THSD4: variants seen among roughly 807,000 people sequenced by gnomAD.
THSD4 encodes thrombospondin type 1 domain containing 4.
A neutral mutation model predicts 119.0 loss-of-function variants in THSD4; 69 were observed. The observed-to-expected ratio is 0.58, with a 90% confidence interval of 0.48 to 0.71. The LOEUF (loss-of-function observed/expected upper bound fraction) is 0.71, where lower values mean the gene tolerates loss of function less well. Among genes scored for constraint, THSD4 ranks in the 30% least tolerant of loss-of-function variants. THSD4 has a pLI of 0.00. For synonymous variants in THSD4, 524 were observed against 540.4 expected (o/e 0.97, Z 0.42); for missense variants, 1,393 against 1,391.1 (o/e 1.00, Z -0.02).
Position 71,416,146 on chromosome 15 carries a change from C to T in THSD4, c.1152+4323C>T, listed in dbSNP as rs915435354. On this transcript the variant is annotated intron_variant, in intron 7 of 17. Coordinates refer to ENST00000261862, the MANE Select transcript of THSD4 (RefSeq NM_024817.3). ...TTTATTTCACTTAACATAATGACCT[C>T]CAGTTCCATCTATGCTGTTGCAAAT... Among the ~76,000 whole-genome samples the T allele has an allele frequency of 3.3e-5, 5 of 152,270 alleles. No homozygotes were observed. The South Asian group carries it at 1.0e-3, about 32-fold the overall frequency.
rs2044759673 is a variant in THSD4, at chr15:71,289,262, G to GT, written c.1015+32547_1015+32548insT. ...ATGCTCAGCCATGTGCAACCAGGAG[G>GT]GTAGGGAGGTGGCACTGCTGGGAGA... is the stretch of plus-strand genomic sequence containing the variant. On this transcript the variant is annotated intron_variant, in intron 6 of 17. Coordinates refer to ENST00000261862, the MANE Select transcript of THSD4 (RefSeq NM_024817.3). Among the ~76,000 whole-genome samples the GT allele has an allele frequency of 3.9e-5, 6 of 152,270 alleles. No individual in the cohort carries two copies. In the South Asian group the frequency reaches 1.2e-3, roughly 32 times the overall value.
At chr15:71,741,386 G>A (rs534889344) in intron 11 of THSD4, among the ~76,000 whole-genome samples, 3 of 152,120 alleles carry the variant, frequency 2.0e-5, no homozygotes, top group South Asian at 4.2e-4. Context: ...CCAGCTACTC[G>A]GGAGGCTGAG....
intron 7 of THSD4, among the ~76,000 whole-genome samples, chr15:71,415,303 T>C (rs1046584878): frequency 4.6e-5 from 7 of 152,224 alleles, no homozygotes; most frequent in Non-Finnish European, 1.0e-4. Context: ...GGCCCACCCA[T>C]TGCTGGCTTG....
At chr15:71,206,757 T>C (rs2043846906) in intron 3 of THSD4, among the ~76,000 whole-genome samples, 1 of 152,210 alleles carries the variant, frequency 6.6e-6, no homozygotes, top group Admixed American at 6.5e-5. Context: ...GTGACAAGAC[T>C]ATCACCAACT....
At chr15:71,261,539 A>G (rs1179050071) in intron 6 of THSD4, among the ~76,000 whole-genome samples, 1 of 152,196 alleles carries the variant, frequency 6.6e-6, no homozygotes, top group Non-Finnish European at 1.5e-5. Context: ...CAGACAAACT[A>G]TACCATGGTC....
intron 1 of THSD4, among the ~76,000 whole-genome samples, chr15:71,101,900 G>A (rs1453784677): frequency 1.3e-5 from 2 of 152,012 alleles, no homozygotes; most frequent in Non-Finnish European, 2.9e-5. Context: ...TTTTCGTAGA[G>A]ACGGGGTTTC....
chr15:71,727,580 A>ACACACACC, intron 8 of THSD4, among the ~76,000 whole-genome samples: 1 of 7,190 alleles, frequency 1.4e-4, no homozygotes, highest in African/African-American at 2.2e-4. Flanking sequence ...ATATATATAT[A>ACACACACC]TATATATACA....
At chr15:71,447,103 C>CCCT (rs1249809118) in intron 7 of THSD4, among the ~76,000 whole-genome samples, 1 of 143,710 alleles carries the variant, frequency 7.0e-6, no homozygotes, top group African/African-American at 2.6e-5. Flanking sequence ...TTGCCCTCTT[C>CCCT]CCTCCATTTT....
chr15:71,301,073 A>G (rs1185317347), intron 6 of THSD4, among the ~76,000 whole-genome samples: 2 of 152,072 alleles, frequency 1.3e-5, no homozygotes, highest in East Asian at 3.9e-4. Flanking sequence ...CCCTAAGATT[A>G]TTTTCTAATT....
At chr15:71,330,739 T>C (rs938295830) in intron 6 of THSD4, among the ~76,000 whole-genome samples, 1 of 152,206 alleles carries the variant, frequency 6.6e-6, no homozygotes, top group African/African-American at 2.4e-5. Flanking sequence ...TTCCTTCTGA[T>C]GTACAATACT....
intron 3 of THSD4, chr15:71,183,228 T>C (rs906718645): frequency 2.0e-5 from 3 of 151,654 alleles, no homozygotes; most frequent in African/African-American, 7.2e-5. Flanking sequence ...TGTAAAACCA[T>C]CGGATCTTGT....
intron 7 of THSD4, among the ~76,000 whole-genome samples, chr15:71,632,097 G>A (rs2050642171): frequency 6.6e-6 from 1 of 152,200 alleles, no homozygotes; most frequent in Non-Finnish European, 1.5e-5. Flanking sequence ...AAGTGAATGA[G>A]ATAATCCATG....
intron 8 of THSD4, among the ~76,000 whole-genome samples, chr15:71,677,233 T>C (rs1309097440): frequency 1.3e-5 from 2 of 152,222 alleles, no homozygotes; most frequent in African/African-American, 2.4e-5. Context: ...CTGGAGACGA[T>C]TAAGTCACAA....
chr15:71,300,006 C>G (rs1485049498), intron 6 of THSD4, among the ~76,000 whole-genome samples: 1 of 138,470 alleles, frequency 7.2e-6, no homozygotes, highest in African/African-American at 2.8e-5. Flanking sequence ...TATATATTAG[C>G]CATGGGTGGT....
chr15:71,115,943 C>G lies in THSD4; in HGVS notation c.-80+245C>G, dbSNP rs569304197. 1.7e-4 allele frequency among the ~76,000 whole-genome samples: 26 copies of G among 152,290 alleles called. No individual in the cohort carries two copies. The East Asian group carries it at 3.7e-3, about 22-fold the overall frequency. On this transcript the variant is annotated intron_variant, in intron 1 of 17. Coordinates refer to ENST00000261862, the MANE Select transcript of THSD4 (RefSeq NM_024817.3). This position sits in a 1 kb window ranked among gnomAD's most constrained non-coding sequence, Gnocchi z 4.4. ...TCTCTTCCTTGCTGGGAGTCTTGCT[C>G]TGTGCTGGCGCCGGCGCTCATCCCT...
intron 2 of THSD4, among the ~76,000 whole-genome samples, chr15:71,150,464 G>A (rs1268907681): frequency 6.6e-6 from 1 of 152,190 alleles, no homozygotes; most frequent in Admixed American, 6.5e-5. Context: ...TGCTGTTATT[G>A]TAGCCCAAAG....
At chr15:71,662,656 A>G (rs2051334174) in intron 8 of THSD4, among the ~76,000 whole-genome samples, 3 of 152,184 alleles carry the variant, frequency 2.0e-5, no homozygotes, top group African/African-American at 4.8e-5. Flanking sequence ...CCCCCTGAAT[A>G]AAAAATAGAC....
intron 6 of THSD4, among the ~76,000 whole-genome samples, chr15:71,310,033 A>G (rs1168154300): frequency 6.6e-6 from 1 of 152,208 alleles, no homozygotes; most frequent in South Asian, 2.1e-4. Flanking sequence ...AGGTTGGGGA[A>G]GGATGTCAGC....
chr15:71,560,486 T>C (rs111567004), intron 7 of THSD4, among the ~76,000 whole-genome samples: 117 of 152,302 alleles, frequency 7.7e-4, no homozygotes, highest in African/African-American at 2.8e-3. Context: ...CACTCTTTTG[T>C]GAGATCAGGA....
Sources: gnomAD v4.1 joint callset for allele counts (sites outside exome capture counted in the v4.1 genomes callset) on GRCh38, gnomAD v4.1.1 for gene constraint, Gnocchi (gnomAD v3.1) non-coding constraint, MANE v1.5 for transcripts, NCBI Gene and HGNC (gene_info 2026-07-23, HGNC 2026-07-21) for gene names.